Variants in FER1L6 observed in about 807,000 individuals in gnomAD.
FER1L6 encodes the protein fer-1 like family member 6, also known as fer-1-like protein 6.
FER1L6 carries 177 observed loss-of-function variants against 219.2 expected under a neutral mutation model. That is an observed-to-expected ratio of 0.81 (90% CI 0.71 to 0.91). FER1L6 has a LOEUF of 0.91. Among genes scored for constraint, FER1L6 ranks in the 40% least tolerant of loss-of-function variants. The probability of loss-of-function intolerance (pLI) is 0.00; values close to 1 mark genes in which losing one functional copy is unlikely to be tolerated. For synonymous variants in FER1L6, 768 were observed against 824.3 expected, an observed-to-expected ratio of 0.93 and a Z score of 1.17; for missense variants, 2,153 against 2,259.9, an observed-to-expected ratio of 0.95 and a Z score of 0.96.
At chr8:123,886,681 G>A (rs1168771688) in intron 1 of FER1L6, among the ~76,000 whole-genome samples, 5 of 152,126 alleles carry the variant, frequency 3.3e-5, no homozygotes, top group African/African-American at 7.2e-5. Context: ...ATTTCAAATC[G>A]TCTCAGCCCC....
At chr8:124,118,973 GA>G (rs1245747953) in intron 40 of FER1L6, 29 bp downstream of exon 40, 6 of 1,568,314 alleles carry the variant, frequency 3.8e-6, no homozygotes, top group African/African-American at 1.4e-5. Context: ...GGGAACATCA[GA>G]AATGGGAAGG....
chr8:124,089,972 T>C (rs1373806986), intron 33 of FER1L6, among the ~76,000 whole-genome samples: 1 of 152,248 alleles, frequency 6.6e-6, no homozygotes, highest in Non-Finnish European at 1.5e-5. Context: ...AGGGCATTTG[T>C]ATTTTTCTTT....
At chr8:123,937,352 G>T (rs775015018) in intron 1 of FER1L6, among the ~76,000 whole-genome samples, 1 of 152,192 alleles carries the variant, frequency 6.6e-6, no homozygotes, top group African/African-American at 2.4e-5. Context: ...TATCTAGCTA[G>T]ATATTATCAT....
At chr8:124,005,821 C>A (rs1817631776) in intron 13 of FER1L6, among the ~76,000 whole-genome samples, 2 of 152,106 alleles carry the variant, frequency 1.3e-5, no homozygotes, top group South Asian at 2.1e-4. Context: ...AGAGTAACAT[C>A]CTAAAGGATG....
At chr8:123,939,990 T>G (rs1188565950) in intron 1 of FER1L6, among the ~76,000 whole-genome samples, 1 of 152,224 alleles carries the variant, frequency 6.6e-6, no homozygotes, top group African/African-American at 2.4e-5. Flanking sequence ...TTTTCAAGTG[T>G]ATCAGCTGTT....
At chr8:123,960,674 TG>T (rs1815230707) in intron 2 of FER1L6, among the ~76,000 whole-genome samples, 1 of 152,094 alleles carries the variant, frequency 6.6e-6, no homozygotes, top group Non-Finnish European at 1.5e-5. Flanking sequence ...TGGCAGCATC[TG>T]TCTAATCTCT....
At chr8:123,874,096 A>G (rs1265051818) in intron 1 of FER1L6, among the ~76,000 whole-genome samples, 3 of 152,154 alleles carry the variant, frequency 2.0e-5, no homozygotes, top group Non-Finnish European at 4.4e-5. Context: ...AAAACTTTCT[A>G]TCTATCCTTT....
At chr8:123,919,071 G>C (rs1289864850) in intron 1 of FER1L6, among the ~76,000 whole-genome samples, 1 of 152,188 alleles carries the variant, frequency 6.6e-6, no homozygotes, top group Non-Finnish European at 1.5e-5. Flanking sequence ...GGCAGGCAAA[G>C]AGAACACTTC....
intron 1 of FER1L6, among the ~76,000 whole-genome samples, chr8:123,883,967 A>G (rs1436183081): frequency 6.6e-6 from 1 of 152,120 alleles, no homozygotes; most frequent in Non-Finnish European, 1.5e-5. Flanking sequence ...TTTTGGGGGG[A>G]CACATTCAGA....
Position 123,856,316 on chromosome 8 carries a change from G to GTGTGTGTGTGTGTATATATA in FER1L6, c.-8+4132_-8+4133insGTGTGTGTGTGTATATATAT, listed in dbSNP as rs71576706. On this transcript the variant is annotated intron_variant, in intron 1 of 40. Coordinates refer to ENST00000522917, the MANE Select transcript of FER1L6 (RefSeq NM_001039112.2). Reference sequence around the variant, plus strand: ...TGTATATATATATATATATGTATGTGTATATATATATATATATATATATAT... The same window carrying GTGTGTGTGTGTGTATATATA: ...TGTATATATATATATATATGTATGTGTGTGTGTGTGTGTATATATATATATATATATATATATATATATAT... Among the ~76,000 whole-genome samples the GTGTGTGTGTGTGTATATATA allele has an allele frequency of 4.9e-4, 22 of 45,086 alleles. 3 individuals carry two copies. Among genetic ancestry groups the GTGTGTGTGTGTGTATATATA allele is most frequent in the Admixed American group, 1.8e-3 (8 of 4,416 alleles). The allele number at this position is 45,086 out of a possible 152,430, so 29.6% of individuals were successfully genotyped here. A position where few individuals can be genotyped will look rare whatever the true frequency, so the allele number is the denominator to read the frequency against.
At chr8:124,070,364 G>A in intron 29 of FER1L6, 103 bp from the exon 30 acceptor site, 1 of 1,280,208 alleles carries the variant, frequency 7.8e-7, no homozygotes, top group Non-Finnish European at 1.1e-6. Flanking sequence ...ATTTTCCCAA[G>A]GGGCATATAT....
At chr8:123,990,934 T>C (rs913725574) in intron 12 of FER1L6, among the ~76,000 whole-genome samples, 1 of 152,176 alleles carries the variant, frequency 6.6e-6, no homozygotes, top group Non-Finnish European at 1.5e-5. Flanking sequence ...CGTGTGGCTA[T>C]CCAGTTTTCC....
intron 18 of FER1L6, among the ~76,000 whole-genome samples, chr8:124,034,529 C>A (rs918460025): frequency 6.6e-5 from 10 of 152,182 alleles, no homozygotes; most frequent in Non-Finnish European, 1.0e-4. Context: ...AATACTACCC[C>A]ACTCATACAG....
intron 39 of FER1L6, among the ~76,000 whole-genome samples, chr8:124,109,108 G>C (rs931571646): frequency 2.6e-5 from 4 of 152,156 alleles, no homozygotes; most frequent in Admixed American, 1.3e-4. Context: ...TTAAGGAGTA[G>C]AAAGTTTAAT....
In FER1L6 at chr8:124,002,855, A is replaced by G. The variant is rs373745292; in HGVS notation, c.1520-312A>G. On this transcript the variant is annotated intron_variant, in intron 12 of 40. Transcript: ENST00000522917. ...TCTATAGTGCAAGGTTCTCAGGGAC[A>G]CTGCAAGGTTATACACTATAATGTT... Among the ~76,000 whole-genome samples, 43 of 152,222 alleles carry G rather than the reference A, an allele frequency of 2.8e-4. 1 individual carries two copies. In the South Asian group the frequency reaches 8.5e-3, roughly 30 times the overall value.
intron 1 of FER1L6, among the ~76,000 whole-genome samples, chr8:123,874,959 G>C (rs968546304): frequency 6.6e-6 from 1 of 152,126 alleles, no homozygotes; most frequent in Non-Finnish European, 1.5e-5. Flanking sequence ...CACTTTGGGA[G>C]GCTGATGGGG....
At chr8:123,954,277 C>A (rs981226028) in intron 1 of FER1L6, among the ~76,000 whole-genome samples, 9 of 152,138 alleles carry the variant, frequency 5.9e-5, no homozygotes, top group South Asian at 2.1e-4. Flanking sequence ...GCCAGTCCCC[C>A]CTTCTGATGC....
intron 1 of FER1L6, among the ~76,000 whole-genome samples, chr8:123,940,644 T>C (rs1223625494): frequency 6.6e-5 from 10 of 152,206 alleles, no homozygotes; most frequent in Admixed American, 6.5e-4. Context: ...GCTCAGAGTT[T>C]CACATCTTTT....
intron 1 of FER1L6, among the ~76,000 whole-genome samples, chr8:123,874,965 TGG>T (rs1288020658): frequency 6.6e-6 from 1 of 152,008 alleles, no homozygotes; most frequent in East Asian, 1.9e-4. Flanking sequence ...GGGAGGCTGA[TGG>T]GGGCAGATCA....
Sources: allele counts gnomAD v4.1 joint callset (sites outside exome capture counted in the v4.1 genomes callset), GRCh38; gene constraint gnomAD v4.1.1; transcripts MANE v1.5; gene names NCBI Gene and HGNC (gene_info 2026-07-23, HGNC 2026-07-21).